The following RMDN2 variants were observed in gnomAD, a reference collection of about 807,000 sequenced individuals.
The protein encoded by RMDN2 is regulator of microtubule dynamics protein 2.
A neutral mutation model predicts 52.8 loss-of-function variants in RMDN2; 61 were observed. The ratio of observed to expected loss-of-function variants is 1.16; its 90% CI spans 0.94 to 1.43. The LOEUF is 1.43. Among genes scored for constraint, RMDN2 ranks in the 40% most tolerant of loss-of-function variants. The pLI is 0.00. For missense variants in RMDN2, 592 were observed against 475.3 expected (o/e 1.25, Z -2.28); for synonymous variants, 180 against 153.1 (o/e 1.18, Z -1.30).
intron 2 of RMDN2, among the ~76,000 whole-genome samples, chr2:37,963,847 G>C: frequency 6.6e-6 from 1 of 152,150 alleles, no homozygotes; most frequent in Non-Finnish European, 1.5e-5. Flanking sequence ...TACCAGACGG[G>C]GTGGCGGCCG....
upstream of RMDN2, among the ~76,000 whole-genome samples, chr2:37,922,939 G>A (rs1183914457): frequency 6.6e-6 from 1 of 152,174 alleles, no homozygotes. Context: ...TGGAAGTAGC[G>A]GAGAAAAGCT....
intron 10 of RMDN2, among the ~76,000 whole-genome samples, chr2:38,010,845 C>G (rs1351479556): frequency 2.6e-5 from 4 of 152,218 alleles, no homozygotes; most frequent in Admixed American, 2.0e-4. Flanking sequence ...ATTCAGCCAT[C>G]TTGGCTCCAC....
intron 10 of RMDN2, among the ~76,000 whole-genome samples, chr2:38,037,058 G>A (rs897551348): frequency 9.9e-5 from 15 of 152,104 alleles, no homozygotes; most frequent in East Asian, 1.9e-4. Context: ...GAAAGGCAGC[G>A]TGATATAAAA....
downstream of RMDN2, among the ~76,000 whole-genome samples, chr2:38,019,838 T>C (rs78301384): frequency 6.6e-5 from 10 of 152,188 alleles, no homozygotes; most frequent in East Asian, 1.9e-3. Flanking sequence ...GGTGGGAGGA[T>C]TACTTCAACC....
At chr2:37,978,624 G>C (rs944523784) in intron 4 of RMDN2, among the ~76,000 whole-genome samples, 5 of 151,884 alleles carry the variant, frequency 3.3e-5, no homozygotes, top group African/African-American at 1.2e-4. Context: ...TCAGAAGCCC[G>C]AGACCAGCCT....
At chr2:37,952,489 A>T in intron 2 of RMDN2, 1 of 465,722 alleles carries the variant, frequency 2.1e-6, no homozygotes, top group Non-Finnish European at 3.8e-6. Flanking sequence ...AGTGACTATT[A>T]TAATACTTTT....
At position 38,010,294 on chromosome 2, in the gene RMDN2, G is replaced by T. The variant is rs564832524; in HGVS notation, c.1179+6078G>T. Reference sequence around the variant, plus strand: ...ATTCTGCTGCCTTTTGTTTGGCTAAGCCCTGCCCCCAGAGGTGGAGTCTAC... The same window carrying T: ...ATTCTGCTGCCTTTTGTTTGGCTAATCCCTGCCCCCAGAGGTGGAGTCTAC... On this transcript the variant is annotated intron_variant, in intron 10 of 10. Transcript: ENST00000354545. Among the ~76,000 whole-genome samples, 22 of 152,322 alleles carry T rather than the reference G, an allele frequency of 1.4e-4. 1 individual carries two copies. The South Asian group carries it at 2.3e-3, about 16-fold the overall frequency.
chr2:37,941,933 C>A (rs1486600080), intron 2 of RMDN2, among the ~76,000 whole-genome samples: 1 of 99,938 alleles, frequency 1.0e-5, no homozygotes, highest in Non-Finnish European at 1.9e-5. Context: ...CCAGGTGCCA[C>A]TGGGGTACCA....
chr2:37,940,419 A>G (rs1386165032), intron 2 of RMDN2, among the ~76,000 whole-genome samples: 7 of 151,936 alleles, frequency 4.6e-5, no homozygotes, highest in Admixed American at 4.6e-4. Flanking sequence ...CCGAATTTGA[A>G]TGTTGGCCTG....
rs527269558 is a variant in RMDN2, at chr2:38,041,653, A to C, written c.1714-25329A>C. On this transcript the variant is annotated intron_variant, in intron 10 of 10. Coordinates refer to the RMDN2 transcript ENST00000234195. The stretch of plus-strand genomic sequence containing the variant: ...AGAGTTTTTGCTGAGAGTTTTTATC[A>C]TGAATGGGTGTTGGATTTTGTCAGA... Among the ~76,000 whole-genome samples, 27 of 152,202 alleles carry C rather than the reference A, an allele frequency of 1.8e-4. No individual in the cohort carries two copies. The East Asian group carries it at 5.0e-3, about 28-fold the overall frequency.
Position 38,039,073 on chromosome 2 carries a change from CACACACACACACACACACACAGAGAG to C in RMDN2, c.1714-27907_1714-27882del, listed in dbSNP as rs1253098084. On this transcript the variant is annotated intron_variant, in intron 10 of 10. Transcript: ENST00000234195. ...ACACACACACACACACACACACACA[CACACACACACACACACACACAGAGAG>C]AGAGATAAAATGTTCATGGATTAAG... 2.1e-4 allele frequency among the ~76,000 whole-genome samples: 23 copies of C among 110,240 alleles called. 1 individual carries two copies. The highest frequency in any genetic ancestry group is 3.8e-4 in the Non-Finnish European group (20 of 52,004). The allele number at this position is 110,240 out of a possible 152,430, so 72.3% of individuals were successfully genotyped here.
At chr2:38,016,180 G>A (rs1678753217) in intron 10 of RMDN2, among the ~76,000 whole-genome samples, 3 of 152,192 alleles carry the variant, frequency 2.0e-5, no homozygotes, top group African/African-American at 2.4e-5. Context: ...CTGAATGCTC[G>A]GCATCAGATT....
chr2:38,028,675 A>G (rs1006801721), intron 10 of RMDN2, among the ~76,000 whole-genome samples: 1 of 152,178 alleles, frequency 6.6e-6, no homozygotes, highest in Non-Finnish European at 1.5e-5. Flanking sequence ...TGCCCGCTGC[A>G]GCCCCTGGGC....
At chr2:38,003,604 G>A (rs145814060) in intron 8 of RMDN2, among the ~76,000 whole-genome samples, 4,123 of 102,622 alleles carry the variant, frequency 0.04, 70 homozygotes, top group East Asian at 0.074. Context: ...AGATAGATAG[G>A]CAGACAGACA....
At chr2:38,054,447 C>T (rs1681766942) in intron 10 of RMDN2, among the ~76,000 whole-genome samples, 2 of 152,240 alleles carry the variant, frequency 1.3e-5, no homozygotes, top group East Asian at 1.9e-4. Context: ...ATTTTTGCTC[C>T]ACTTTAAATA....
chr2:37,988,941 A>G (rs571459577), intron 5 of RMDN2, among the ~76,000 whole-genome samples: 1 of 152,342 alleles, frequency 6.6e-6, no homozygotes, highest in East Asian at 1.9e-4. Flanking sequence ...CTATTCTAGC[A>G]ATGAAGTGTT....
intron 2 of RMDN2, among the ~76,000 whole-genome samples, chr2:37,956,410 T>G (rs145963434): frequency 0.012 from 1,858 of 152,224 alleles, 40 homozygotes; most frequent in African/African-American, 0.042. Flanking sequence ...TCATTTCTGA[T>G]TGTATTTATT....
At chr2:37,957,762 G>T (rs1453683192) in intron 2 of RMDN2, among the ~76,000 whole-genome samples, 1 of 152,118 alleles carries the variant, frequency 6.6e-6, no homozygotes, top group African/African-American at 2.4e-5. Flanking sequence ...TTCTTCTAGG[G>T]TTTTTATGGC....
intron 10 of RMDN2, among the ~76,000 whole-genome samples, chr2:38,046,939 C>T (rs578192882): frequency 4.0e-5 from 6 of 151,740 alleles, no homozygotes; most frequent in South Asian, 4.2e-4. Context: ...GCCGAGATTG[C>T]GCCACTGCAC....
Sources: gnomAD v4.1 joint callset for allele counts (sites outside exome capture counted in the v4.1 genomes callset) on GRCh38, gnomAD v4.1.1 for gene constraint, MANE v1.5 for transcripts, NCBI Gene and HGNC (gene_info 2026-07-23, HGNC 2026-07-21) for gene names.